Variants in THSD7B observed in about 807,000 individuals in gnomAD.
The protein encoded by THSD7B is thrombospondin type 1 domain containing 7B, also known as thrombospondin type-1 domain-containing protein 7B.
A neutral mutation model predicts 213.6 loss-of-function variants in THSD7B; 138 were observed. The observed-to-expected ratio is 0.65, with a 90% CI of 0.56 to 0.74. THSD7B has a LOEUF of 0.74. Among genes scored for constraint, THSD7B ranks in the 30% least tolerant of loss-of-function variants. The pLI, the probability that THSD7B is intolerant of heterozygous loss-of-function variation, is 0.00. For synonymous variants in THSD7B, 742 were observed against 687.0 expected, an observed-to-expected ratio of 1.08 and a Z score of -1.25; for missense variants, 1,931 against 1,991.5, an observed-to-expected ratio of 0.97 and a Z score of 0.58.
intron 17 of THSD7B, among the ~76,000 whole-genome samples, chr2:137,602,357 C>A (rs1243106734): frequency 6.6e-6 from 1 of 152,018 alleles, no homozygotes; most frequent in South Asian, 2.1e-4. Flanking sequence ...GAAACCTCCG[C>A]CTCCCAGATT....
chr2:137,180,223 G>A (rs6430686), intron 7 of THSD7B, among the ~76,000 whole-genome samples: 24,015 of 152,048 alleles, frequency 0.16, 2,030 homozygotes, highest in African/African-American at 0.2. Flanking sequence ...ATGGGTCCTG[G>A]AAGATACTGT....
chr2:136,959,768 A>G (rs970037319), intron 2 of THSD7B, among the ~76,000 whole-genome samples: 2 of 152,170 alleles, frequency 1.3e-5, no homozygotes, highest in African/African-American at 2.4e-5. Context: ...AAACACATAA[A>G]CATAGGAGTG....
chr2:137,314,192 G>A (rs1684016704), intron 12 of THSD7B, among the ~76,000 whole-genome samples: 1 of 152,116 alleles, frequency 6.6e-6, no homozygotes, highest in African/African-American at 2.4e-5. Context: ...ATTTCTTGGA[G>A]GCTTTGCTCA....
intron 2 of THSD7B, among the ~76,000 whole-genome samples, chr2:136,908,111 G>A (rs1684197415): frequency 6.6e-6 from 1 of 152,032 alleles, no homozygotes; most frequent in African/African-American, 2.4e-5. Context: ...GTTTTAATGT[G>A]TTTTGTAGAC....
At chr2:137,389,907 T>C (rs1685981795) in intron 12 of THSD7B, among the ~76,000 whole-genome samples, 1 of 152,230 alleles carries the variant, frequency 6.6e-6, no homozygotes, top group Admixed American at 6.5e-5. Context: ...CTAGATTCTC[T>C]ATTCTGTTTC....
intron 7 of THSD7B, among the ~76,000 whole-genome samples, chr2:137,214,311 A>G (rs6430692): frequency 0.6 from 90,780 of 152,010 alleles, 27,531 homozygotes; most frequent in South Asian, 0.71. Flanking sequence ...AGATACCTTT[A>G]ACAAGTGGAA....
chr2:137,298,148 G>A (rs986381673), intron 12 of THSD7B, among the ~76,000 whole-genome samples: 10 of 152,114 alleles, frequency 6.6e-5, no homozygotes, highest in African/African-American at 2.4e-4. Context: ...CCAGGCTGAG[G>A]TGGTCTCAGA....
At chr2:137,248,738 G>C (rs1236465142) in intron 10 of THSD7B, among the ~76,000 whole-genome samples, 1 of 152,170 alleles carries the variant, frequency 6.6e-6, no homozygotes, top group African/African-American at 2.4e-5. Context: ...CTGTGTTTGA[G>C]TAATCAAAGC....
intron 15 of THSD7B, among the ~76,000 whole-genome samples, chr2:137,506,261 A>G (rs1201484269): frequency 6.6e-6 from 1 of 152,202 alleles, no homozygotes; most frequent in African/African-American, 2.4e-5. Flanking sequence ...TTCAGAACTG[A>G]GTCGTGGCCA....
chr2:137,090,281 A>G (rs1322574889), intron 3 of THSD7B, among the ~76,000 whole-genome samples: 2 of 152,112 alleles, frequency 1.3e-5, no homozygotes, highest in East Asian at 1.9e-4. Flanking sequence ...AGAATTGCAT[A>G]GAACAGTAGG....
At chr2:137,475,133 C>T (rs540317156) in intron 15 of THSD7B, among the ~76,000 whole-genome samples, 9 of 152,184 alleles carry the variant, frequency 5.9e-5, no homozygotes, top group African/African-American at 2.2e-4. Flanking sequence ...TTCATATGTA[C>T]TTAGATATAC....
intron 1 of THSD7B, among the ~76,000 whole-genome samples, chr2:136,855,640 T>G (rs935398990): frequency 6.6e-6 from 1 of 151,424 alleles, no homozygotes; most frequent in African/African-American, 2.4e-5. Flanking sequence ...TTTATTTATT[T>G]TTTGTATTTT....
intron 12 of THSD7B, among the ~76,000 whole-genome samples, chr2:137,296,536 C>G (rs12617342): frequency 0.061 from 9,343 of 152,088 alleles, 536 homozygotes; most frequent in African/African-American, 0.14. Flanking sequence ...GAACAATGTA[C>G]TTACCATGGA....
intron 1 of THSD7B, among the ~76,000 whole-genome samples, chr2:136,766,120 A>G (rs768379047): frequency 8.3e-4 from 126 of 152,292 alleles, no homozygotes; most frequent in Non-Finnish European, 1.7e-3. Context: ...CCAAAATCGA[A>G]AGGCCGGGAG....
At chr2:137,539,077 CTT>C (rs1165956680) in intron 15 of THSD7B, among the ~76,000 whole-genome samples, 1 of 151,660 alleles carries the variant, frequency 6.6e-6, no homozygotes, top group Non-Finnish European at 1.5e-5. Context: ...AAGTTCTTTA[CTT>C]TTATAGTTTT....
At chr2:136,877,087 A>G (rs1683537265) in intron 1 of THSD7B, among the ~76,000 whole-genome samples, 2 of 117,734 alleles carry the variant, frequency 1.7e-5, no homozygotes, top group East Asian at 2.5e-4. Context: ...CCGTATGTGC[A>G]TAGAGCCTGG....
intron 1 of THSD7B, among the ~76,000 whole-genome samples, chr2:136,849,187 T>C (rs1394907311): frequency 6.6e-6 from 1 of 152,168 alleles, no homozygotes; most frequent in Non-Finnish European, 1.5e-5. Flanking sequence ...CTTACATCAA[T>C]GTTGTTTGAA....
chr2:137,341,866 A>C (rs2104908067), intron 12 of THSD7B, among the ~76,000 whole-genome samples: 1 of 151,754 alleles, frequency 6.6e-6, no homozygotes, highest in East Asian at 1.9e-4. Context: ...TGTTTTAATT[A>C]CTATAGCTCC....
At chr2:137,171,493 T>G (rs1351524893) in intron 7 of THSD7B, among the ~76,000 whole-genome samples, 1 of 152,218 alleles carries the variant, frequency 6.6e-6, no homozygotes, top group East Asian at 1.9e-4. Context: ...CAATGATGTC[T>G]TTCCTCAATC....
Sources: allele counts gnomAD v4.1 joint callset (sites outside exome capture counted in the v4.1 genomes callset), GRCh38; gene constraint gnomAD v4.1.1; transcripts MANE v1.5; gene names NCBI Gene and HGNC (gene_info 2026-07-23, HGNC 2026-07-21).